Variants in EGFR observed in about 807,000 individuals in gnomAD.
EGFR encodes the protein epidermal growth factor receptor, also known as avian erythroblastic leukemia viral (v-erb-b) oncogene homolog.
EGFR carries 58 observed loss-of-function variants against 143.0 expected under a neutral mutation model. The observed-to-expected ratio is 0.41, with a 90% CI of 0.33 to 0.50. EGFR has a LOEUF of 0.50. EGFR is among the 20% of genes least tolerant of loss of function. The pLI, the probability that EGFR is intolerant of heterozygous loss-of-function variation, is 0.39. For missense variants in EGFR, 1,307 were observed against 1,579.0 expected, an observed-to-expected ratio of 0.83 and a Z score of 2.92; for synonymous variants, 613 against 594.4, an observed-to-expected ratio of 1.03 and a Z score of -0.45.
intron 1 of EGFR, among the ~76,000 whole-genome samples, chr7:55,071,059 A>G (rs1789793825): frequency 6.6e-6 from 1 of 152,236 alleles, no homozygotes; most frequent in Non-Finnish European, 1.5e-5. Context: ...AGACAGCCCC[A>G]GAGGTGGAAC....
chr7:55,205,409 T>A lies in EGFR; in HGVS notation c.3425T>A (p.Val1142Asp). 1 of 1,614,082 alleles carries A rather than the reference T, an allele frequency of 6.2e-7. No individual in the cohort carries two copies. ...GGCAACCCCGAGTATCTCAACACTG[T>A]CCAGCCCACCTGTGTCAACAGCACA... The part of the protein sequence containing the change: ...AVGNPEYLNT[V>D]QPTCVNSTFD... The change falls in exon 28 of 28, where the codon GTC (valine) becomes GAC (aspartate). Residue 1142 changes from valine (V) to aspartate (D), a missense_variant. Transcript: ENST00000275493.
intron 1 of EGFR, among the ~76,000 whole-genome samples, chr7:55,126,994 G>C (rs1482152487): frequency 6.6e-6 from 1 of 152,136 alleles, no homozygotes; most frequent in Non-Finnish European, 1.5e-5. Context: ...AGACTTGGGG[G>C]CAGTGCAAGT....
chr7:55,182,163 C>T (rs1786912264), intron 20 of EGFR: 1 of 156,276 alleles, frequency 6.4e-6, no homozygotes, highest in African/African-American at 2.4e-5. Context: ...CCATCCCAGT[C>T]TTGCATCAGT....
intron 16 of EGFR, among the ~76,000 whole-genome samples, chr7:55,172,021 C>T (rs1786374677): frequency 6.6e-6 from 1 of 152,188 alleles, no homozygotes; most frequent in African/African-American, 2.4e-5. Context: ...AAGAAGGCAA[C>T]TTCAAAAAGA....
Position 55,146,620 on chromosome 7 carries a change from G to C in EGFR, c.439G>C (p.Ala147Pro), listed in dbSNP as rs532655845. 4.3e-6 allele frequency: 7 copies of C among 1,614,066 alleles called. No individual in the cohort carries two copies. The highest frequency in any genetic ancestry group is 5.9e-6 in the Non-Finnish European group (7 of 1,180,014). Residue 147 changes from alanine to proline, a missense_variant, in exon 4 of 28, where the codon GCC becomes CCC. Around this residue, in one of 7 missense-constraint regions of EGFR, gnomAD observed 311 missense variants for 412.3 expected, o/e 0.75. Transcript: ENST00000275493. ...MRNLQEILHG[A>P]VRFSNNPALC... ...TTCTCCCGCAGAAATCCTGCATGGC[G>C]CCGTGCGGTTCAGCAACAACCCTGC...
In EGFR at chr7:55,208,886, C is replaced by T. The variant is rs1261395424; in HGVS notation, c.*3269C>T. The stretch of plus-strand genomic sequence containing the variant: ...TGTGGCTTGATTTTCTCAGGTGCAG[C>T]CCAGCCGTAGGGCCTTTTCAGAGCA... On this transcript the variant is annotated 3_prime_UTR_variant, in exon 28 of 28. Coordinates refer to ENST00000275493, the MANE Select transcript of EGFR (RefSeq NM_005228.5). 2.0e-5 allele frequency: 3 copies of T among 152,134 alleles called. No individual in the cohort carries two copies. Among genetic ancestry groups the T allele is most frequent in the African/African-American group, 7.2e-5 (3 of 41,436 alleles). 9.4% of individuals were successfully genotyped at this position (152,134 alleles called of 1,614,324 possible). A position where few individuals can be genotyped will look rare whatever the true frequency, so the allele number is the denominator to read the frequency against.
At chr7:55,176,431 G>A (rs1024110513) in intron 19 of EGFR, among the ~76,000 whole-genome samples, 11 of 152,096 alleles carry the variant, frequency 7.2e-5, no homozygotes, top group Non-Finnish European at 1.0e-4. Flanking sequence ...CATCTGAAGC[G>A]TCCATGGGCC....
chr7:55,174,434 G>T (rs577328959), intron 18 of EGFR, among the ~76,000 whole-genome samples: 8 of 152,218 alleles, frequency 5.3e-5, no homozygotes, highest in African/African-American at 4.8e-5. Context: ...AGGCCTAGAC[G>T]CAGCATCATT....
At chr7:55,141,537 G>A (rs1794459547) in intron 1 of EGFR, among the ~76,000 whole-genome samples, 2 of 152,108 alleles carry the variant, frequency 1.3e-5, no homozygotes, top group Non-Finnish European at 2.9e-5. Flanking sequence ...AGGGATGTGT[G>A]GGTTTCTCAC....
chr7:55,204,976 T>C (rs1788051968), intron 27 of EGFR, among the ~76,000 whole-genome samples: 1 of 151,418 alleles, frequency 6.6e-6, no homozygotes, highest in South Asian at 2.1e-4. Context: ...CATATATGTA[T>C]ACATGCATAC....
intron 1 of EGFR, among the ~76,000 whole-genome samples, chr7:55,078,122 C>A (rs994819462): frequency 6.6e-6 from 1 of 152,156 alleles, no homozygotes; most frequent in African/African-American, 2.4e-5. Context: ...GGGTTTGCTC[C>A]TGTCCACCGT....
At chr7:55,148,853 C>T (rs1794897188) in intron 4 of EGFR, among the ~76,000 whole-genome samples, 1 of 150,464 alleles carries the variant, frequency 6.6e-6, no homozygotes, top group Admixed American at 6.6e-5. Flanking sequence ...CTCATTTAGT[C>T]TTCACCAAAA....
At chr7:55,184,898 A>T (rs1179229438) in intron 20 of EGFR, among the ~76,000 whole-genome samples, 1 of 152,188 alleles carries the variant, frequency 6.6e-6, no homozygotes, top group Non-Finnish European at 1.5e-5. Flanking sequence ...GTATTAAAAA[A>T]TTTTCTTTTT....
At chr7:55,194,409 G>A (rs1787532406) in intron 22 of EGFR, among the ~76,000 whole-genome samples, 1 of 151,858 alleles carries the variant, frequency 6.6e-6, no homozygotes, top group Admixed American at 6.6e-5. Flanking sequence ...TGTATCTCTA[G>A]TTGAGACAGG....
intron 22 of EGFR, among the ~76,000 whole-genome samples, chr7:55,196,293 A>G (rs925173041): frequency 6.7e-6 from 1 of 149,854 alleles, no homozygotes; most frequent in South Asian, 2.1e-4. Flanking sequence ...TCTTTTTCAT[A>G]TACTTGTTGG....
At chr7:55,069,985 A>G (rs964324372) in intron 1 of EGFR, among the ~76,000 whole-genome samples, 2 of 152,318 alleles carry the variant, frequency 1.3e-5, no homozygotes, top group East Asian at 3.9e-4. Flanking sequence ...TCATGTACAA[A>G]ACTGAGAAAT....
At chr7:55,078,873 C>A (rs1176867757) in intron 1 of EGFR, among the ~76,000 whole-genome samples, 1 of 152,218 alleles carries the variant, frequency 6.6e-6, no homozygotes, top group Non-Finnish European at 1.5e-5. Flanking sequence ...ACTCCCCATG[C>A]AGCCCCCACT....
At chr7:55,082,550 G>A (rs759412125) in intron 1 of EGFR, among the ~76,000 whole-genome samples, 4 of 152,174 alleles carry the variant, frequency 2.6e-5, no homozygotes, top group Non-Finnish European at 5.9e-5. Flanking sequence ...TACTATGATT[G>A]TTTCTTGTTT....
At chr7:55,201,480 T>C in intron 25 of EGFR, 125 bp downstream of exon 25, 1 of 1,413,202 alleles carries the variant, frequency 7.1e-7, no homozygotes, top group Non-Finnish European at 9.8e-7. Flanking sequence ...AACCAAATGG[T>C]AAAATCAAAA....
Sources: allele counts gnomAD v4.1 joint callset (sites outside exome capture counted in the v4.1 genomes callset), GRCh38; gene constraint gnomAD v4.1.1; regional missense constraint gnomAD v4.1.1; transcripts MANE v1.5; gene names NCBI Gene and HGNC (gene_info 2026-07-23, HGNC 2026-07-21).